SATB2: variants seen among roughly 807,000 people sequenced by gnomAD.
SATB2 encodes the protein DNA-binding protein SATB2.
Under a neutral mutation model 73.4 loss-of-function variants are expected in SATB2, and 1 was observed. The observed-to-expected ratio is 0.01, with a 90% CI of 0.00 to 0.06. The LOEUF is 0.06. Ranked by LOEUF, SATB2 falls within the 10% of genes least tolerant of loss-of-function variation. SATB2 has a pLI of 1.00. For synonymous variants in SATB2, 397 were observed against 367.0 expected, an observed-to-expected ratio of 1.08 and a Z score of -0.93; for missense variants, 459 against 945.8, an observed-to-expected ratio of 0.49 and a Z score of 6.75.
At chr2:199,368,795 T>A (rs1689361235) in intron 5 of SATB2, 88 bp from the exon 6 acceptor site, 1 of 709,978 alleles carries the variant, frequency 1.4e-6, no homozygotes, top group Admixed American at 2.3e-5. Context: ...TGCACTAACC[T>A]CTTTTTTCTT....
intron 2 of SATB2, among the ~76,000 whole-genome samples, chr2:199,452,695 C>T (rs1288709211): frequency 6.6e-6 from 1 of 152,092 alleles, no homozygotes; most frequent in Non-Finnish European, 1.5e-5. Flanking sequence ...GGATATAAAG[C>T]TGTCAACACC....
chr2:199,463,598 G>A lies in SATB2; in HGVS notation c.-141+1238C>T, dbSNP rs1265640226. Reference sequence around the variant, plus strand: ...CGCGTGGGCTGAGGCCGAAACCTTCGGCGCCGGCTCTGCCGGTCGCGTCCC... The same window carrying A: ...CGCGTGGGCTGAGGCCGAAACCTTCAGCGCCGGCTCTGCCGGTCGCGTCCC... On this transcript the variant is annotated intron_variant, in intron 1 of 11. Coordinates refer to the SATB2 transcript ENST00000260926. The surrounding 1 kb of genome is among the most constrained non-coding windows in gnomAD (Gnocchi z 6.4). 3.9e-5 allele frequency among the ~76,000 whole-genome samples: 6 copies of A among 152,166 alleles called. No individual in the cohort carries two copies. The highest frequency in any genetic ancestry group is 1.4e-4 in the African/African-American group (6 of 41,452).
chr2:199,342,109 T>C (rs1004739105), intron 7 of SATB2, among the ~76,000 whole-genome samples: 10 of 152,108 alleles, frequency 6.6e-5, no homozygotes, highest in South Asian at 2.1e-4. Context: ...ACTGGAGAGA[T>C]GTTAACGGAA....
intron 3 of SATB2, among the ~76,000 whole-genome samples, chr2:199,406,750 T>A (rs1338228318): frequency 1.3e-5 from 2 of 152,074 alleles, no homozygotes; most frequent in African/African-American, 4.8e-5. Context: ...ATTTTATAGT[T>A]TAGGAAATGA....
chr2:199,461,724 C>A (rs1446025806), upstream of SATB2, among the ~76,000 whole-genome samples: 1 of 152,152 alleles, frequency 6.6e-6, no homozygotes, highest in Non-Finnish European at 1.5e-5. Context: ...TAAAAGGCCG[C>A]CTGTTTTTCA....
intron 7 of SATB2, among the ~76,000 whole-genome samples, chr2:199,346,466 T>C (rs1688654776): frequency 6.6e-6 from 1 of 152,162 alleles, no homozygotes; most frequent in Admixed American, 6.6e-5. Flanking sequence ...CATTTTTCAA[T>C]GACTCATTAA....
At chr2:199,391,167 C>T (rs373789548) in intron 3 of SATB2, among the ~76,000 whole-genome samples, 18 of 151,938 alleles carry the variant, frequency 1.2e-4, no homozygotes, top group East Asian at 3.9e-4. Flanking sequence ...TATTTTAGGC[C>T]GGGCGCGGTG....
chr2:199,302,731 T>A (rs995976348), intron 10 of SATB2, among the ~76,000 whole-genome samples: 1 of 152,186 alleles, frequency 6.6e-6, no homozygotes, highest in Admixed American at 6.5e-5. Context: ...ATTAGTTTAT[T>A]TGTTTCCCTG....
intron 10 of SATB2, among the ~76,000 whole-genome samples, chr2:199,280,686 C>T (rs182779261): frequency 9.9e-5 from 15 of 152,200 alleles, no homozygotes; most frequent in Non-Finnish European, 1.6e-4. Flanking sequence ...CTTATTAGGA[C>T]GAGGAAATTC....
At chr2:199,412,022 C>T (rs1690834705) in intron 3 of SATB2, among the ~76,000 whole-genome samples, 1 of 152,038 alleles carries the variant, frequency 6.6e-6, no homozygotes, top group South Asian at 2.1e-4. Context: ...TGACAAACTA[C>T]AGAAAATTCA....
At chr2:199,444,645 C>T (rs543355760) in intron 2 of SATB2, among the ~76,000 whole-genome samples, 7 of 152,236 alleles carry the variant, frequency 4.6e-5, no homozygotes, top group African/African-American at 1.7e-4. Context: ...ACAAGTCAAA[C>T]ATTATTTCAA....
Position 199,397,867 on chromosome 2 carries a change from AAAAC to A in SATB2, c.347-16051_347-16048del, listed in dbSNP as rs201553713. 1,054 of 318,360 alleles carry A rather than the reference AAAAC, an allele frequency of 3.3e-3. 7 individuals are homozygous for A. Among genetic ancestry groups the A allele is most frequent in the African/African-American group, 0.02 (885 of 44,114 alleles). The allele number at this position is 318,360 out of a possible 1,614,324, so 19.7% of individuals were successfully genotyped here. A position where few individuals can be genotyped will look rare whatever the true frequency, so the allele number is the denominator to read the frequency against. On this transcript the variant is annotated intron_variant, in intron 3 of 10. Transcript: ENST00000417098. ...TAGGCGACAAAGAGAGACTGTCTCA[AAAAC>A]AAACAAACAAACAAAACAGAAAGAT...
At chr2:199,359,173 G>A (rs532118990) in intron 6 of SATB2, among the ~76,000 whole-genome samples, 43 of 152,058 alleles carry the variant, frequency 2.8e-4, no homozygotes, top group Non-Finnish European at 2.9e-4. Flanking sequence ...CTGAAGAAAA[G>A]TTAATCAAAG....
intron 10 of SATB2, among the ~76,000 whole-genome samples, chr2:199,287,080 A>G (rs1222869620): frequency 6.6e-6 from 1 of 152,202 alleles, no homozygotes; most frequent in Admixed American, 6.5e-5. Context: ...AGATGTGCAA[A>G]GGGTTCAGAT....
At chr2:199,383,508 A>G (rs999003410) in intron 3 of SATB2, among the ~76,000 whole-genome samples, 2 of 152,184 alleles carry the variant, frequency 1.3e-5, no homozygotes, top group Non-Finnish European at 2.9e-5. Flanking sequence ...AATTCCTTTC[A>G]AAAGTCATTA....
At chr2:199,382,860 T>C (rs1689819993) in intron 3 of SATB2, among the ~76,000 whole-genome samples, 1 of 152,166 alleles carries the variant, frequency 6.6e-6, no homozygotes, top group Non-Finnish European at 1.5e-5. Context: ...TTTTTGACAA[T>C]ACAGGTGAGT....
intron 3 of SATB2, chr2:199,396,138 GC>G (rs1029097735): frequency 9.2e-5 from 14 of 152,176 alleles, no homozygotes; most frequent in African/African-American, 3.4e-4. Flanking sequence ...ACCCAAATCT[GC>G]AGATAGGGCC....
intron 3 of SATB2, among the ~76,000 whole-genome samples, chr2:199,413,883 C>G (rs923372843): frequency 1.3e-5 from 2 of 152,086 alleles, no homozygotes; most frequent in Non-Finnish European, 2.9e-5. Flanking sequence ...GACACCTACA[C>G]GAGACAAATA....
chr2:199,373,756 C>G (rs1186579584), intron 5 of SATB2, among the ~76,000 whole-genome samples: 2 of 152,224 alleles, frequency 1.3e-5, no homozygotes, highest in African/African-American at 4.8e-5. Flanking sequence ...TATTTTCAAG[C>G]TGTCATTTGT....
Sources: allele counts gnomAD v4.1 joint callset (sites outside exome capture counted in the v4.1 genomes callset), GRCh38; gene constraint gnomAD v4.1.1; non-coding constraint Gnocchi (gnomAD v3.1); transcripts MANE v1.5; gene names NCBI Gene and HGNC (gene_info 2026-07-23, HGNC 2026-07-21).